PAMR1: variants seen among roughly 807,000 people sequenced by gnomAD.
PAMR1 encodes the protein peptidase domain containing associated with muscle regeneration 1, also known as inactive serine protease PAMR1.
Under a neutral mutation model 81.8 loss-of-function variants are expected in PAMR1, and 88 were observed. The ratio of observed to expected loss-of-function variants is 1.08; its 90% CI spans 0.91 to 1.28. The LOEUF (loss-of-function observed/expected upper bound fraction) is 1.28. Among genes scored for constraint, PAMR1 ranks in the 50% most tolerant of loss-of-function variants. The pLI is 0.00. For missense variants in PAMR1, 935 were observed against 919.7 expected (o/e 1.02, Z -0.21); for synonymous variants, 336 against 345.3 (o/e 0.97, Z 0.30).
At chr11:35,508,370 T>C (rs1490813569) in intron 1 of PAMR1, among the ~76,000 whole-genome samples, 1 of 152,156 alleles carries the variant, frequency 6.6e-6, no homozygotes, top group Non-Finnish European at 1.5e-5. Flanking sequence ...CACTTCTCTG[T>C]GGCCCTTGAA....
chr11:35,448,422 G>A (rs368489767), intron 6 of PAMR1, among the ~76,000 whole-genome samples: 1 of 151,564 alleles, frequency 6.6e-6, no homozygotes, highest in Non-Finnish European at 1.5e-5. Context: ...CCTCCATTTT[G>A]TCTATTCAGC....
In PAMR1 at chr11:35,432,175, C is replaced by T; in HGVS notation, c.*181G>A. The T allele has an allele frequency of 1.6e-6, 1 of 609,922 alleles. No homozygotes were observed. The highest frequency in any genetic ancestry group is 2.9e-5 in the Admixed American group (1 of 33,910). 37.8% of individuals were successfully genotyped at this position (609,922 alleles called of 1,614,324 possible). On this transcript the variant is annotated 3_prime_UTR_variant, in exon 11 of 11. Transcript: ENST00000619888. ...TTGGCTGTCCTAGTAGTGGACGCGG[C>T]ATCAGCCTACCAGCAATGGAGGTCT...
intron 6 of PAMR1, among the ~76,000 whole-genome samples, chr11:35,445,179 T>C (rs1438722438): frequency 6.6e-6 from 1 of 152,184 alleles, no homozygotes; most frequent in Non-Finnish European, 1.5e-5. Flanking sequence ...ATGATTTTTG[T>C]ATATTGATTT....
intron 1 of PAMR1, among the ~76,000 whole-genome samples, chr11:35,499,237 C>G (rs1356399240): frequency 6.6e-6 from 1 of 152,064 alleles, no homozygotes; most frequent in East Asian, 1.9e-4. Flanking sequence ...AGCGAGGTAT[C>G]TAGACATGGG....
At chr11:35,513,022 C>T (rs563134693) in intron 1 of PAMR1, among the ~76,000 whole-genome samples, 27 of 152,220 alleles carry the variant, frequency 1.8e-4, no homozygotes, top group African/African-American at 6.3e-4. Context: ...AAGTGGCGAG[C>T]AGGATGCTCA....
chr11:35,521,915 G>GTTTTTTTTTTTTTTTTTTTTTTTTTT, intron 1 of PAMR1, among the ~76,000 whole-genome samples: 1 of 150,048 alleles, frequency 6.7e-6, no homozygotes, highest in East Asian at 1.9e-4. Flanking sequence ...TTTTTGTTTG[G>GTTTTTTTTTTTTTTTTTTTTTTTTTT]TTTTTTTTTG....
In PAMR1 at chr11:35,436,113, AT is replaced by A; in HGVS notation, c.1122del (p.Tyr375ThrfsTer56). 1 of 1,613,934 alleles carries A rather than the reference AT, an allele frequency of 6.2e-7. No homozygotes were observed. ...VQSRETPLHQ[L>X]YSAAFSKQKL... ...TTCTGCTTGCTGAAGGCCGCTGAGT[AT>A]AGCTGGTGTAATGGTGTCTCCCTGG... is the stretch of plus-strand genomic sequence containing the variant. On this transcript the variant is annotated frameshift_variant, in exon 9 of 11. Coordinates refer to ENST00000619888, the MANE Select transcript of PAMR1 (RefSeq NM_001001991.3). LOFTEE classifies it high-confidence loss of function.
upstream of PAMR1, among the ~76,000 whole-genome samples, chr11:35,526,543 ATTATT>A (rs1369564196): frequency 3.3e-5 from 5 of 152,340 alleles, no homozygotes; most frequent in East Asian, 9.6e-4. Flanking sequence ...TATTAACTCA[ATTATT>A]CCTCACAATA....
chr11:35,448,376 T>C (rs1463345148), intron 6 of PAMR1, among the ~76,000 whole-genome samples: 1 of 152,186 alleles, frequency 6.6e-6, no homozygotes, highest in Non-Finnish European at 1.5e-5. Context: ...GCCTGTCTTA[T>C]TTCAGCAGGA....
intron 6 of PAMR1, among the ~76,000 whole-genome samples, chr11:35,463,265 C>T (rs531969085): frequency 5.3e-5 from 8 of 152,310 alleles, no homozygotes; most frequent in African/African-American, 1.9e-4. Context: ...CCTTCAGAGA[C>T]TCCAAAACCC....
chr11:35,434,816 G>T lies in PAMR1; in HGVS notation c.1334-12C>A. On this transcript the variant is annotated splice_polypyrimidine_tract_variant and intron_variant, in intron 9 of 10. Coordinates refer to ENST00000619888, the MANE Select transcript of PAMR1 (RefSeq NM_001001991.3). ...AATTTTCCCGCAGACTATGGAGAAAGTACCAGCTTAGTAAGATAAACTCAG... is the reference window on the plus strand; with the variant it reads ...AATTTTCCCGCAGACTATGGAGAAATTACCAGCTTAGTAAGATAAACTCAG... 6.2e-7 allele frequency: 1 copy of T among 1,609,582 alleles called. No homozygotes were observed. The highest frequency in any genetic ancestry group is 1.7e-5 in the Admixed American group (1 of 59,932).
In PAMR1 at chr11:35,470,605, G is replaced by C. The variant is rs371095495; in HGVS notation, c.708C>G (p.Ile236Met). 2 of 1,613,290 alleles carry C rather than the reference G, an allele frequency of 1.2e-6. No individual in the cohort carries two copies. Among genetic ancestry groups the C allele is most frequent in the Non-Finnish European group, 1.7e-6 (2 of 1,179,230 alleles). ...ATTTGTCTCCTTGGCCTTTACCTGT[G>C]ATCTCCTCATAAATGGCATGGAAAC... ...FDGFHAIYEE[I>M]TACSSSPCFH... is the part of the protein sequence containing the mutation. Residue 236 changes from isoleucine (I) to methionine (M), a missense_variant, in exon 5 of 11, where the codon ATC (isoleucine) becomes ATG (methionine). Physicochemically the swap from Ile to Met is conservative, Grantham distance 10. Transcript: ENST00000619888.
chr11:35,468,071 G>A lies in PAMR1; in HGVS notation c.750C>T (p.Cys250=), dbSNP rs569429137. Residue 250 remains cysteine (C), a synonymous_variant, in exon 6 of 11, where the codon TGC becomes TGT. Transcript: ENST00000619888. ...SSSPCFHDGT[C]VLDKAGSYKC... ...TGTAAGATCCAGCCTTGTCAAGGAC[G>A]CACGTGCCGTCATGGAAACAAGGGG... 155 of 1,557,504 alleles carry A rather than the reference G, an allele frequency of 1.0e-4. No homozygotes were observed. Among genetic ancestry groups the A allele is most frequent in the East Asian group, 1.7e-4 (7 of 41,954 alleles).
Position 35,470,836 on chromosome 11 carries a change from G to A in PAMR1, c.495-18C>T. On this transcript the variant is annotated intron_variant, in intron 4 of 10. Transcript: ENST00000619888. ...TGACAAATCTGTGGGTGGACAGGGTGACGGAGGGAAGCAGATGGGCCCTGG... is the reference window on the plus strand; with the variant it reads ...TGACAAATCTGTGGGTGGACAGGGTAACGGAGGGAAGCAGATGGGCCCTGG... 1 of 1,592,314 alleles carries A rather than the reference G, an allele frequency of 6.3e-7. No individual in the cohort carries two copies. Among genetic ancestry groups the A allele is most frequent in the Admixed American group, 1.7e-5 (1 of 59,964 alleles).
intron 6 of PAMR1, chr11:35,453,331 C>G (rs1295858078): frequency 1.3e-5 from 2 of 152,232 alleles, no homozygotes; most frequent in Non-Finnish European, 1.5e-5. Flanking sequence ...TTTCTGGGCT[C>G]CTGGTAATGT....
At chr11:35,492,706 G>T (rs953698606) in intron 2 of PAMR1, among the ~76,000 whole-genome samples, 1 of 151,932 alleles carries the variant, frequency 6.6e-6, no homozygotes, top group East Asian at 1.9e-4. Context: ...ATATACTTCC[G>T]TAATGAAAGC....
chr11:35,508,594 C>T (rs1851017610), intron 1 of PAMR1, among the ~76,000 whole-genome samples: 1 of 134,054 alleles, frequency 7.5e-6, no homozygotes, highest in Non-Finnish European at 1.5e-5. Flanking sequence ...TGTAGGTAAA[C>T]TATGTATCAT....
upstream of PAMR1, chr11:35,525,761 G>T: frequency 1.6e-6 from 1 of 621,510 alleles, no homozygotes; most frequent in Non-Finnish European, 2.9e-6. Flanking sequence ...CAGCCAGAGC[G>T]ACGTCAGCCC....
intron 1 of PAMR1, among the ~76,000 whole-genome samples, chr11:35,500,105 C>T (rs1850803230): frequency 1.3e-5 from 2 of 152,142 alleles, no homozygotes; most frequent in Admixed American, 1.3e-4. Flanking sequence ...GGAATGCAGC[C>T]CTGCCAACCC....
Sources: allele counts gnomAD v4.1 joint callset (sites outside exome capture counted in the v4.1 genomes callset), GRCh38; gene constraint gnomAD v4.1.1; transcripts MANE v1.5; gene names NCBI Gene and HGNC (gene_info 2026-07-23, HGNC 2026-07-21).